Variants in PAMR1 observed in about 807,000 individuals in gnomAD.
PAMR1 encodes peptidase domain containing associated with muscle regeneration 1.
PAMR1 carries 88 observed loss-of-function variants against 81.8 expected under a neutral mutation model. The ratio of observed to expected loss-of-function variants is 1.08; its 90% CI spans 0.91 to 1.28. The LOEUF is 1.28. Ranked by LOEUF, PAMR1 falls within the 50% of genes most tolerant of loss-of-function variation. PAMR1 has a pLI of 0.00. For synonymous variants in PAMR1, 336 were observed against 345.3 expected (o/e 0.97, Z 0.30); for missense variants, 935 against 919.7 (o/e 1.02, Z -0.21).
intron 7 of PAMR1, among the ~76,000 whole-genome samples, chr11:35,441,045 C>A (rs1856153863): frequency 1.3e-5 from 2 of 152,188 alleles, no homozygotes; most frequent in African/African-American, 4.8e-5. Context: ...ATCTTAACAT[C>A]TTCAATCCTC....
At chr11:35,528,159 T>C (rs878887104), upstream of PAMR1, among the ~76,000 whole-genome samples, 1 of 152,066 alleles carries the variant, frequency 6.6e-6, no homozygotes, top group Admixed American at 6.5e-5. Context: ...GGCATAAGGA[T>C]TATTTTGAGC....
Position 35,435,892 on chromosome 11 carries a change from C to T in PAMR1, c.1333+11G>A. The T allele has an allele frequency of 6.3e-7, 1 of 1,591,328 alleles. No individual in the cohort carries two copies. Among genetic ancestry groups the T allele is most frequent in the South Asian group, 1.1e-5 (1 of 90,652 alleles). ...GAGCATGCTCAAGCCCAAGAATGAGCCTTGACTCACTAGGGATGCAGGATG... is the reference window on the plus strand; with the variant it reads ...GAGCATGCTCAAGCCCAAGAATGAGTCTTGACTCACTAGGGATGCAGGATG... On this transcript the variant is annotated intron_variant, in intron 9 of 10. Coordinates refer to ENST00000619888, the MANE Select transcript of PAMR1 (RefSeq NM_001001991.3).
chr11:35,492,193 AG>A lies in PAMR1; in HGVS notation c.251-21del. 1 of 1,613,674 alleles carries A rather than the reference AG, an allele frequency of 6.2e-7. No individual in the cohort carries two copies. Among genetic ancestry groups the A allele is most frequent in the Non-Finnish European group, 8.5e-7 (1 of 1,179,774 alleles). On this transcript the variant is annotated intron_variant, in intron 2 of 10. Coordinates refer to ENST00000619888, the MANE Select transcript of PAMR1 (RefSeq NM_001001991.3). ...TACAACCTGAAACATTCCCAAGAAG[AG>A]GAGTGTTAGGCCAAAGCACCTGCGA... is the stretch of plus-strand genomic sequence containing the variant.
At chr11:35,490,189 A>C (rs113069512) in intron 3 of PAMR1, among the ~76,000 whole-genome samples, 1 of 152,302 alleles carries the variant, frequency 6.6e-6, no homozygotes, top group Admixed American at 6.5e-5. Flanking sequence ...AGTATGGAGG[A>C]AACTACCCCT....
chr11:35,497,733 G>A (rs1850753472), intron 1 of PAMR1, among the ~76,000 whole-genome samples: 1 of 152,084 alleles, frequency 6.6e-6, no homozygotes. Flanking sequence ...TCAATAAATA[G>A]TGATTGATCA....
At chr11:35,460,019 TAGAG>T (rs1856618501) in intron 6 of PAMR1, among the ~76,000 whole-genome samples, 1 of 152,322 alleles carries the variant, frequency 6.6e-6, no homozygotes, top group East Asian at 1.9e-4. Flanking sequence ...ATATTAACGA[TAGAG>T]AGAATAATGA....
rs532234024 is a variant in PAMR1, at chr11:35,434,353, C to T, written c.1626+159G>A. 2.0e-5 allele frequency among the ~76,000 whole-genome samples: 3 copies of T among 151,890 alleles called. No individual in the cohort carries two copies. The South Asian group carries it at 6.3e-4, about 32-fold the overall frequency. On this transcript the variant is annotated intron_variant, in intron 10 of 10. Transcript: ENST00000619888. ...CCACAGCCTTTCTAGGTACCCCCAT[C>T]TAGTATCTCAATATGAAATAATGAA...
intron 3 of PAMR1, among the ~76,000 whole-genome samples, chr11:35,481,508 TTTTG>T (rs58551047): frequency 0.011 from 1,669 of 151,042 alleles, 32 homozygotes; most frequent in African/African-American, 0.036. Flanking sequence ...TGTCTTCTTG[TTTTG>T]TTTGTTTGTT....
chr11:35,439,765 A>G, intron 7 of PAMR1, 72 bp from the exon 8 acceptor site: 1 of 1,308,078 alleles, frequency 7.6e-7, no homozygotes, highest in Non-Finnish European at 1.1e-6. Flanking sequence ...GTTCAGATTC[A>G]TACCTGACCC....
At chr11:35,440,874 C>A (rs1856150688) in intron 7 of PAMR1, among the ~76,000 whole-genome samples, 1 of 152,182 alleles carries the variant, frequency 6.6e-6, no homozygotes, top group Admixed American at 6.5e-5. Context: ...TCTACAAATC[C>A]TCTCCAGCTT....
At chr11:35,493,574 C>G (rs775053434) in intron 2 of PAMR1, among the ~76,000 whole-genome samples, 4 of 152,164 alleles carry the variant, frequency 2.6e-5, no homozygotes, top group Non-Finnish European at 5.9e-5. Context: ...TGTGGCTTGA[C>G]TTCTCCTCCC....
intron 6 of PAMR1, among the ~76,000 whole-genome samples, chr11:35,448,406 T>A (rs1235813027): frequency 6.6e-6 from 1 of 152,186 alleles, no homozygotes; most frequent in South Asian, 2.1e-4. Context: ...TGTTCTGAGA[T>A]TCTCTCCTCC....
At chr11:35,503,783 T>C (rs891657665) in intron 1 of PAMR1, among the ~76,000 whole-genome samples, 1 of 152,160 alleles carries the variant, frequency 6.6e-6, no homozygotes, top group African/African-American at 2.4e-5. Context: ...CTTTAGATTT[T>C]TTTTAAATAT....
upstream of PAMR1, among the ~76,000 whole-genome samples, chr11:35,526,474 C>CATAAG (rs78338880): frequency 6.6e-6 from 1 of 151,992 alleles, no homozygotes; most frequent in Non-Finnish European, 1.5e-5. Context: ...AAGGATGTTT[C>CATAAG]ATAATAGGTG....
At chr11:35,517,320 A>G (rs1851183639) in intron 1 of PAMR1, among the ~76,000 whole-genome samples, 1 of 152,220 alleles carries the variant, frequency 6.6e-6, no homozygotes, top group Admixed American at 6.5e-5. Context: ...GCAAACGTTA[A>G]GTGATGAGGA....
In PAMR1 at chr11:35,499,544, C is replaced by T. The variant is rs370489678; in HGVS notation, c.74-5272G>A. Among the ~76,000 whole-genome samples the T allele has an allele frequency of 1.8e-4, 27 of 152,300 alleles. 1 individual carries two copies. In the East Asian group the frequency reaches 4.8e-3, roughly 27 times the overall value. On this transcript the variant is annotated intron_variant, in intron 1 of 10. Coordinates refer to ENST00000619888, the MANE Select transcript of PAMR1 (RefSeq NM_001001991.3). ...AGGTTTGTTCCACTCCCTGTTTCCCCCTAAGCAGCAGATTCGTTCACCTCC... is the reference window on the plus strand; with the variant it reads ...AGGTTTGTTCCACTCCCTGTTTCCCTCTAAGCAGCAGATTCGTTCACCTCC...
Position 35,439,621 on chromosome 11 carries a change from C to G in PAMR1, c.1100+6G>C. On this transcript the variant is annotated splice_donor_region_variant and intron_variant, in intron 8 of 10. Transcript: ENST00000619888. ...TCAGGGCAGAGTGCAGGTGTTTTGA[C>G]CTCACCTTGACTGAACCTGCATCGG... The G allele has an allele frequency of 6.2e-7, 1 of 1,610,950 alleles. No homozygotes were observed. Among genetic ancestry groups the G allele is most frequent in the Non-Finnish European group, 8.5e-7 (1 of 1,177,086 alleles).
chr11:35,508,924 A>G (rs1377965517), intron 1 of PAMR1, among the ~76,000 whole-genome samples: 1 of 152,174 alleles, frequency 6.6e-6, no homozygotes, highest in Non-Finnish European at 1.5e-5. Flanking sequence ...TATATGTACC[A>G]CATTTTCTTT....
At chr11:35,511,522 T>G (rs925681640) in intron 1 of PAMR1, among the ~76,000 whole-genome samples, 14 of 152,224 alleles carry the variant, frequency 9.2e-5, no homozygotes, top group African/African-American at 3.4e-4. Flanking sequence ...ACTTTTGTCA[T>G]GTGCCTGTTC....
Sources: allele counts gnomAD v4.1 joint callset (sites outside exome capture counted in the v4.1 genomes callset), GRCh38; gene constraint gnomAD v4.1.1; transcripts MANE v1.5; gene names NCBI Gene and HGNC (gene_info 2026-07-23, HGNC 2026-07-21).